Variants in CD81 observed in about 807,000 individuals in gnomAD.
The protein encoded by CD81 is CD81 molecule.
CD81 carries 10 observed loss-of-function variants against 30.1 expected under a neutral mutation model. The ratio of observed to expected loss-of-function variants is 0.33; its 90% CI spans 0.21 to 0.56. The LOEUF (loss-of-function observed/expected upper bound fraction) is 0.56. CD81 is among the 20% of genes least tolerant of loss of function. CD81 has a pLI of 0.89. For missense variants in CD81, 263 were observed against 308.7 expected (o/e 0.85, Z 1.11); for synonymous variants, 147 against 126.4 (o/e 1.16, Z -1.10).
chr11:2,385,354 C>T (rs960374791), intron 1 of CD81, among the ~76,000 whole-genome samples: 2 of 152,192 alleles, frequency 1.3e-5, no homozygotes, highest in Non-Finnish European at 2.9e-5. Context: ...CCCTCCTCCC[C>T]GTCCCAGGGC....
At chr11:2,392,117 C>T (rs1849910758) in intron 2 of CD81, 1 of 152,302 alleles carries the variant, frequency 6.6e-6, no homozygotes, top group Admixed American at 6.5e-5. Context: ...ACCGAGTCCC[C>T]TTCTCCAGGA....
rs1316598424 is a variant in CD81 at position 2,395,962 on chromosome 11, C to T, written c.553C>T (p.Leu185Phe). 3.7e-6 allele frequency: 6 copies of T among 1,608,910 alleles called. No homozygotes were observed. Among genetic ancestry groups the T allele is most frequent in the Non-Finnish European group, 5.1e-6 (6 of 1,176,802 alleles). Reference sequence around the variant, plus strand: ...CTCGGGCAGCAACATCATCAGCAACCTCTTCAAGGTGCGCGAGGCCGGTGG... The same window carrying T: ...CTCGGGCAGCAACATCATCAGCAACTTCTTCAAGGTGCGCGAGGCCGGTGG... ...CPSGSNIISN[L>F]FKEDCHQKID... Residue 185 changes from leucine (L) to phenylalanine (F), a missense_variant, in exon 6 of 8, where the codon CTC becomes TTC. Leu to Phe is a conservative substitution (Grantham distance 22, BLOSUM62 0). Coordinates refer to ENST00000263645, the MANE Select transcript of CD81 (RefSeq NM_004356.4).
intron 1 of CD81, chr11:2,386,563 C>T: frequency 2.8e-6 from 2 of 717,254 alleles, no homozygotes; most frequent in Non-Finnish European, 5.2e-6. Flanking sequence ...AGCTCCAGCT[C>T]AAGGTCCCTG....
chr11:2,394,695 C>T (rs573565604), intron 3 of CD81, among the ~76,000 whole-genome samples: 17 of 152,318 alleles, frequency 1.1e-4, no homozygotes, highest in African/African-American at 4.1e-4. Context: ...GACTCACCAG[C>T]CTGTGACCCC....
Position 2,395,872 on chromosome 11 carries a change from G to C in CD81, c.463G>C (p.Asp155His). ...CTTGCACCCCTGCTCTCTGCAGCTT[G>C]ACTGCTGTGGCTCCAGCACACTGAC... ...AVVKTFHETL[D>H]CCGSSTLTAL... is the part of the protein sequence containing the mutation. The change falls in exon 6 of 8, where the codon GAC becomes CAC. Residue 155 changes from aspartate to histidine, a missense_variant. By Grantham distance (81) the Asp-to-His change is moderately conservative (BLOSUM62 -1). Around this residue, in one of 3 missense-constraint regions of CD81, gnomAD observed 176 missense variants for 192.9 expected, o/e 0.91. Coordinates refer to ENST00000263645, the MANE Select transcript of CD81 (RefSeq NM_004356.4). 1 of 1,609,848 alleles carries C rather than the reference G, an allele frequency of 6.2e-7. No homozygotes were observed. The highest frequency in any genetic ancestry group is 8.5e-7 in the Non-Finnish European group (1 of 1,177,732).
intron 1 of CD81, among the ~76,000 whole-genome samples, chr11:2,387,311 G>A (rs1397927963): frequency 2.6e-5 from 4 of 152,212 alleles, no homozygotes; most frequent in Non-Finnish European, 4.4e-5. Context: ...CCAGGCCTCT[G>A]TGGGGATGAG....
At chr11:2,390,181 C>T (rs781019162) in intron 1 of CD81, 10 of 627,768 alleles carry the variant, frequency 1.6e-5, no homozygotes, top group Non-Finnish European at 2.9e-5. Flanking sequence ...TCACACTCCA[C>T]AGGTGCAGGG....
Position 2,396,875 on chromosome 11 carries a change from A to C in CD81, c.*9A>C. 1 of 1,612,300 alleles carries C rather than the reference A, an allele frequency of 6.2e-7. No individual in the cohort carries two copies. The highest frequency in any genetic ancestry group is 1.3e-5 in the African/African-American group (1 of 75,056). On this transcript the variant is annotated 3_prime_UTR_variant, in exon 8 of 8. Transcript: ENST00000263645. ...ACAGCTCCGTGTACTGAGGCCCCGC[A>C]GCTCTGGCCACAGGGACCTCTGCAG... is the stretch of plus-strand genomic sequence containing the variant.
chr11:2,378,590 TGTC>T lies in CD81; in HGVS notation c.66+977_66+979del, dbSNP rs549315663. On this transcript the variant is annotated intron_variant, in intron 1 of 7. Transcript: ENST00000263645. This position sits in a 1 kb window ranked among gnomAD's most constrained non-coding sequence, Gnocchi z 4.9. Reference sequence around the variant, plus strand: ...GCTTTCGCCTTTTGTTTCCATTTCCTGTCGGTGTTAGAATTGGGGAGGGGGTGG... The same window carrying T: ...GCTTTCGCCTTTTGTTTCCATTTCCTGGTGTTAGAATTGGGGAGGGGGTGG... Among the ~76,000 whole-genome samples the T allele has an allele frequency of 0.03, 4,543 of 152,282 alleles. 237 individuals are homozygous for T. The highest frequency in any genetic ancestry group is 0.1 in the African/African-American group (4,258 of 41,548).
chr11:2,391,618 C>T (rs1849901904), intron 2 of CD81: 1 of 152,162 alleles, frequency 6.6e-6, no homozygotes, highest in Admixed American at 6.5e-5. Context: ...AGCCTGTGGC[C>T]CACGGAGGGT....
intron 6 of CD81, 197 bp from the exon 7 acceptor site, chr11:2,396,431 T>A: frequency 3.2e-6 from 2 of 630,286 alleles, no homozygotes; most frequent in Admixed American, 4.9e-5. Flanking sequence ...CGCGTTTATG[T>A]TAAAACGGGT....
intron 1 of CD81, among the ~76,000 whole-genome samples, chr11:2,383,639 G>A (rs1849737865): frequency 6.6e-6 from 1 of 152,340 alleles, no homozygotes; most frequent in South Asian, 2.1e-4. Context: ...GTCCCTAGGT[G>A]TCGGTGAGCA....
At chr11:2,382,880 C>T (rs902681020) in intron 1 of CD81, among the ~76,000 whole-genome samples, 11 of 152,180 alleles carry the variant, frequency 7.2e-5, no homozygotes, top group East Asian at 3.9e-4. Flanking sequence ...CAGGGGTTTC[C>T]GAGGGGCTTA....
chr11:2,387,408 T>C (rs919502615), intron 1 of CD81, among the ~76,000 whole-genome samples: 3 of 152,066 alleles, frequency 2.0e-5, no homozygotes, highest in Non-Finnish European at 2.9e-5. Flanking sequence ...ATAAGCAATG[T>C]TTTCAAAGGC....
rs1409177428 is a variant in CD81 at position 2,377,904 on chromosome 11, A to G, written c.66+289A>G. 1.6e-5 allele frequency: 3 copies of G among 190,964 alleles called. No homozygotes were observed. The East Asian group carries it at 3.7e-4, about 24-fold the overall frequency. The allele number at this position is 190,964 out of a possible 1,614,324, so 11.8% of individuals were successfully genotyped here. Reference sequence around the variant, plus strand: ...CCGGGCAGTTCCCGCTGTGGTGGTGATGGGTGCGGTGGTCGCGGGTCGGGA... The same window carrying G: ...CCGGGCAGTTCCCGCTGTGGTGGTGGTGGGTGCGGTGGTCGCGGGTCGGGA... On this transcript the variant is annotated intron_variant, in intron 1 of 7. Transcript: ENST00000263645. The surrounding 1 kb of genome is among the most constrained non-coding windows in gnomAD (Gnocchi z 7.7).
chr11:2,384,142 AAG>A (rs1232061098), intron 1 of CD81, among the ~76,000 whole-genome samples: 8 of 151,650 alleles, frequency 5.3e-5, no homozygotes, highest in Non-Finnish European at 1.2e-4. Flanking sequence ...AGGAAGGAGA[AAG>A]AAAGAAACAA....
intron 6 of CD81, 167 bp from the exon 7 acceptor site, chr11:2,396,461 G>A: frequency 1.5e-6 from 1 of 676,904 alleles, no homozygotes; most frequent in Non-Finnish European, 2.6e-6. Context: ...CAAGCCGGCA[G>A]AGGCCGGGCC....
chr11:2,384,622 C>T (rs534183403), intron 1 of CD81: 217 of 173,448 alleles, frequency 1.3e-3, no homozygotes, highest in African/African-American at 5.0e-3. Context: ...TCTCAGAGGG[C>T]GCCTCCGGAG....
Position 2,396,377 on chromosome 11 carries a change from A to C in CD81, c.562-251A>C, listed in dbSNP as rs1016780889. The C allele has an allele frequency of 5.3e-5, 32 of 600,362 alleles. No homozygotes were observed. The African/African-American group carries it at 5.6e-4, about 10-fold the overall frequency. The allele number at this position is 600,362 out of a possible 1,614,324, so 37.2% of individuals were successfully genotyped here. Reference sequence around the variant, plus strand: ...CTTTAGGGGTCTAGTGACACCAATGACCGTGATCTCAGTGGAAAAGGGCAC... The same window carrying C: ...CTTTAGGGGTCTAGTGACACCAATGCCCGTGATCTCAGTGGAAAAGGGCAC... On this transcript the variant is annotated intron_variant, in intron 6 of 7. Transcript: ENST00000263645.
Sources: gnomAD v4.1 joint callset for allele counts (sites outside exome capture counted in the v4.1 genomes callset) on GRCh38, gnomAD v4.1.1 for gene constraint, gnomAD v4.1.1 regional missense constraint, Gnocchi (gnomAD v3.1) non-coding constraint, MANE v1.5 for transcripts, NCBI Gene and HGNC (gene_info 2026-07-23, HGNC 2026-07-21) for gene names.